The following CASZ1 variants were observed in gnomAD, a reference collection of about 807,000 sequenced individuals.
CASZ1 encodes the protein zinc finger protein castor homolog 1.
CASZ1 carries 28 observed loss-of-function variants against 135.2 expected under a neutral mutation model. The observed-to-expected ratio is 0.21, with a 90% confidence interval of 0.15 to 0.28. The LOEUF is 0.28. Among genes scored for constraint, CASZ1 ranks in the 10% least tolerant of loss-of-function variants. CASZ1 has a pLI of 1.00. For synonymous variants in CASZ1, 1,068 were observed against 1,073.4 expected (o/e 0.99, Z 0.10); for missense variants, 2,161 against 2,453.3 (o/e 0.88, Z 2.52).
chr1:10,639,541 C>A lies in CASZ1; in HGVS notation c.4681G>T (p.Asp1561Tyr). 1.2e-6 allele frequency: 2 copies of A among 1,610,638 alleles called. No individual in the cohort carries two copies. The change falls in exon 21 of 21, where the codon GAC (aspartate) becomes TAC (tyrosine). Residue 1561 changes from aspartate to tyrosine, a missense_variant. This residue lies in a region of CASZ1 where 240 missense variants were observed against 321.4 expected (regional missense o/e 0.75). Transcript: ENST00000377022. This position sits in a 1 kb window ranked among gnomAD's most constrained non-coding sequence, Gnocchi z 4.0. Reference protein sequence around the residue: ...FSSSADCAVPDCKYKLKCSHF... With the variant: ...FSSSADCAVPYCKYKLKCSHF... The stretch of plus-strand genomic sequence containing the variant: ...GAGCACTTGAGCTTGTACTTGCAGT[C>A]GGGCACGGCGCAGTCGGCGCTGGAG...
At chr1:10,740,739 A>G (rs60624795) in intron 2 of CASZ1, among the ~76,000 whole-genome samples, 3,772 of 152,258 alleles carry the variant, frequency 0.025, 171 homozygotes, top group African/African-American at 0.085. Flanking sequence ...GCTTGAGGCC[A>G]GGAGTTCAAG....
Position 10,774,522 on chromosome 1 carries a change from T to C in CASZ1, c.-233-13665A>G, listed in dbSNP as rs12031981. Among the ~76,000 whole-genome samples the C allele has an allele frequency of 0.64, 97,506 of 151,908 alleles. 32,087 individuals carry two copies. The highest frequency in any genetic ancestry group is 0.72 in the Non-Finnish European group (48,833 of 67,958). On this transcript the variant is annotated intron_variant, in intron 1 of 20. Coordinates refer to ENST00000377022, the MANE Select transcript of CASZ1 (RefSeq NM_001079843.3). This position sits in a 1 kb window ranked among gnomAD's most constrained non-coding sequence, Gnocchi z 4.4. ...AGAGTCCTTTGCCTTCTGCACATTC[T>C]TTAAGCCCCGTGATCCCAAGAAATC...
In CASZ1 at chr1:10,660,029, T is replaced by G; in HGVS notation, c.1013A>C (p.Lys338Thr). The G allele has an allele frequency of 1.2e-6, 2 of 1,614,160 alleles. No homozygotes were observed. Among genetic ancestry groups the G allele is most frequent in the Admixed American group, 3.3e-5 (2 of 60,032 alleles). The change falls in exon 6 of 21, where the codon AAG (lysine) becomes ACG (threonine). Residue 338 changes from lysine (K) to threonine (T), a missense_variant. Physicochemically the swap from Lys to Thr is moderately conservative, Grantham distance 78. Around this residue, in one of 7 missense-constraint regions of CASZ1, gnomAD observed 590 missense variants for 609.8 expected, o/e 0.97. Transcript: ENST00000377022. The stretch of plus-strand genomic sequence containing the variant: ...GTACTTGACATTCTCCAGGTCGTAC[T>G]TGGATGGCTTCTTGTAGGTGCTCCC... ...QNGSTYKKPS[K>T]YDLENVKYLH...
intron 6 of CASZ1, 66 bp from the exon 7 acceptor site, chr1:10,658,642 T>A: frequency 7.0e-7 from 1 of 1,424,936 alleles, no homozygotes; most frequent in Non-Finnish European, 9.9e-7. Flanking sequence ...CAGGGGCATC[T>A]GGTGGGCAGC....
chr1:10,767,224 C>T lies in CASZ1; in HGVS notation c.-233-6367G>A, dbSNP rs1304079030. On this transcript the variant is annotated intron_variant, in intron 1 of 20. Coordinates refer to ENST00000377022, the MANE Select transcript of CASZ1 (RefSeq NM_001079843.3). This position sits in a 1 kb window ranked among gnomAD's most constrained non-coding sequence, Gnocchi z 4.2. Reference sequence around the variant, plus strand: ...CGTCCACATTCCTCATGAGTTCCTGCCCCAGTCCTGGCCCAGGAGATCAGC... The same window carrying T: ...CGTCCACATTCCTCATGAGTTCCTGTCCCAGTCCTGGCCCAGGAGATCAGC... 6.6e-6 allele frequency among the ~76,000 whole-genome samples: 1 copy of T among 152,190 alleles called. No individual in the cohort carries two copies.
rs1269921589 is a variant in CASZ1, at chr1:10,739,474, C to A, written c.-77+21227G>T. On this transcript the variant is annotated intron_variant, in intron 2 of 20. Transcript: ENST00000377022. The surrounding 1 kb of genome is among the most constrained non-coding windows in gnomAD (Gnocchi z 4.8). ...GGGCGGTCTGCTCTCACTCCCCTCG[C>A]TGCTCTGTAATTAAGCTCAGCTGCG... 6.6e-6 allele frequency among the ~76,000 whole-genome samples: 1 copy of A among 152,158 alleles called. No individual in the cohort carries two copies. The highest frequency in any genetic ancestry group is 1.9e-4 in the East Asian group (1 of 5,204).
chr1:10,708,391 C>G (rs957165771), intron 2 of CASZ1, among the ~76,000 whole-genome samples: 4 of 152,332 alleles, frequency 2.6e-5, no homozygotes, highest in Middle Eastern at 6.8e-3. Flanking sequence ...TTTTACCCAC[C>G]CTTAATCTCT....
intron 1 of CASZ1, among the ~76,000 whole-genome samples, chr1:10,781,906 T>C (rs1640769149): frequency 6.6e-6 from 1 of 152,140 alleles, no homozygotes; most frequent in Non-Finnish European, 1.5e-5. Context: ...AAGGAGAGAC[T>C]AGGGATTTGA....
intron 2 of CASZ1, among the ~76,000 whole-genome samples, chr1:10,714,828 C>A (rs1009534495): frequency 5.3e-5 from 8 of 152,204 alleles, no homozygotes; most frequent in African/African-American, 1.7e-4. Context: ...GTTTCCTCCA[C>A]CCTCTGCCCC....
rs141211439 is a variant in CASZ1, at chr1:10,719,572, G to A, written c.-76-14028C>T. 5.5e-3 allele frequency among the ~76,000 whole-genome samples: 831 copies of A among 152,334 alleles called. 7 individuals carry two copies. The highest frequency in any genetic ancestry group is 0.019 in the African/African-American group (787 of 41,576). On this transcript the variant is annotated intron_variant, in intron 2 of 20. Coordinates refer to ENST00000377022, the MANE Select transcript of CASZ1 (RefSeq NM_001079843.3). This position sits in a 1 kb window ranked among gnomAD's most constrained non-coding sequence, Gnocchi z 4.0. ...TAAGGGACACTCAGGTCCACCTGGA[G>A]CACGAGGAGAGGCTGGCCACCTGTA...
In CASZ1 at chr1:10,734,332, T is replaced by A. The variant is rs567594254; in HGVS notation, c.-77+26369A>T. ...TGCCCTCCCTTGGAAAAAAAAAAAA[T>A]TCTAGGAAACAAAATACAACGACAT... On this transcript the variant is annotated intron_variant, in intron 2 of 20. Transcript: ENST00000377022. Among the ~76,000 whole-genome samples, 425 of 148,216 alleles carry A rather than the reference T, an allele frequency of 2.9e-3. 1 individual carries two copies. The highest frequency in any genetic ancestry group is 4.9e-3 in the Non-Finnish European group (330 of 66,950).
At chr1:10,775,477 C>T (rs907999530) in intron 1 of CASZ1, among the ~76,000 whole-genome samples, 1 of 152,086 alleles carries the variant, frequency 6.6e-6, no homozygotes, top group Non-Finnish European at 1.5e-5. Context: ...AAAGTCCCGG[C>T]CAAGTTTCTC....
At position 10,646,527 on chromosome 1, in the gene CASZ1, A is replaced by G. The variant is rs550754629; in HGVS notation, c.3498-201T>C. On this transcript the variant is annotated intron_variant, in intron 16 of 20. Transcript: ENST00000377022. The surrounding 1 kb of genome is among the most constrained non-coding windows in gnomAD (Gnocchi z 6.4). ...GCATGCATTCCTGCCTCCTTTTAGG[A>G]GCTCTGCATGGTGCACAGGGATTGC... Among the ~76,000 whole-genome samples, 22 of 152,182 alleles carry G rather than the reference A, an allele frequency of 1.4e-4. No individual in the cohort carries two copies. The highest frequency in any genetic ancestry group is 3.2e-4 in the Non-Finnish European group (22 of 68,030).
chr1:10,688,494 G>A (rs1362853389), intron 4 of CASZ1, among the ~76,000 whole-genome samples: 6 of 152,156 alleles, frequency 3.9e-5, no homozygotes, highest in Admixed American at 2.0e-4. Flanking sequence ...GCATGGTGGC[G>A]GAGGGAGGTC....
chr1:10,658,465 C>T (rs778841386), intron 7 of CASZ1, 43 bp downstream of exon 7: 3 of 1,548,748 alleles, frequency 1.9e-6, no homozygotes, highest in Admixed American at 1.7e-5. Flanking sequence ...CAGTCCTGGC[C>T]CCCCACCTTC....
rs1000324485 is a variant in CASZ1, at chr1:10,700,723, GT to G, written c.-24+4768del. ...TTCCCAGCATCTTCAGGAAATCATC[GT>G]TAGTGGAACCCTAGGTCTGCTGATA... On this transcript the variant is annotated intron_variant, in intron 3 of 20. Transcript: ENST00000377022. This position sits in a 1 kb window ranked among gnomAD's most constrained non-coding sequence, Gnocchi z 4.2. Among the ~76,000 whole-genome samples, 1 of 152,142 alleles carries G rather than the reference GT, an allele frequency of 6.6e-6. No individual in the cohort carries two copies. The highest frequency in any genetic ancestry group is 6.5e-5 in the Admixed American group (1 of 15,274).
intron 3 of CASZ1, among the ~76,000 whole-genome samples, chr1:10,703,101 C>A (rs1316876430): frequency 6.6e-6 from 1 of 151,964 alleles, no homozygotes; most frequent in Non-Finnish European, 1.5e-5. Flanking sequence ...AGGCCAGGAG[C>A]CCTCAAAAAG....
In CASZ1 at chr1:10,699,084, TG is replaced by T. The variant is rs1343233934; in HGVS notation, c.-23-5173del. On this transcript the variant is annotated intron_variant, in intron 3 of 20. Transcript: ENST00000377022. This position sits in a 1 kb window ranked among gnomAD's most constrained non-coding sequence, Gnocchi z 4.6. ...TGGACAGGTATCACACATGGCTCCA[TG>T]GCCCAGAGGCTGCTTGCTCCAGGGC... is the stretch of plus-strand genomic sequence containing the variant. Among the ~76,000 whole-genome samples the T allele has an allele frequency of 6.6e-6, 1 of 152,170 alleles. No individual in the cohort carries two copies. The highest frequency in any genetic ancestry group is 1.5e-5 in the Non-Finnish European group (1 of 68,022).
At position 10,694,484 on chromosome 1, in the gene CASZ1, G is replaced by C. The variant is rs1273894043; in HGVS notation, c.-23-572C>G. On this transcript the variant is annotated intron_variant, in intron 3 of 20. Transcript: ENST00000377022. This position sits in a 1 kb window ranked among gnomAD's most constrained non-coding sequence, Gnocchi z 6.6. ...GGAGCGGGCGGGCGGGCGCGGCCGG[G>C]GGCGCTGCCAGGCGCCGCGGTGATT... 1.2e-5 allele frequency: 2 copies of C among 172,396 alleles called. No individual in the cohort carries two copies. Among genetic ancestry groups the C allele is most frequent in the East Asian group, 1.9e-4 (1 of 5,138 alleles). The allele number at this position is 172,396 out of a possible 1,614,324, so 10.7% of individuals were successfully genotyped here. A position where few individuals can be genotyped will look rare whatever the true frequency, so the allele number is the denominator to read the frequency against.
Sources: allele counts gnomAD v4.1 joint callset (sites outside exome capture counted in the v4.1 genomes callset), GRCh38; gene constraint gnomAD v4.1.1; regional missense constraint gnomAD v4.1.1; non-coding constraint Gnocchi (gnomAD v3.1); transcripts MANE v1.5; gene names NCBI Gene and HGNC (gene_info 2026-07-23, HGNC 2026-07-21).